The following DMD variants were observed in gnomAD, a reference collection of about 807,000 sequenced individuals.
The protein encoded by DMD is mutant dystrophin.
DMD carries 63 observed loss-of-function variants against 330.1 expected under a neutral mutation model. That is an observed-to-expected ratio of 0.19 (90% CI 0.16 to 0.24). The LOEUF is 0.24. Among genes scored for constraint, DMD ranks in the 10% least tolerant of loss-of-function variants. The probability of loss-of-function intolerance (pLI) is 1.00; values close to 1 mark genes in which losing one functional copy is unlikely to be tolerated. For missense variants in DMD, 3,344 were observed against 2,684.1 expected (o/e 1.25, Z -5.43); for synonymous variants, 1,223 against 959.8 (o/e 1.27, Z -5.07).
At chrX:33,004,172 CA>C (rs61216311) in intron 2 of DMD, among the ~76,000 whole-genome samples, 47,574 of 110,413 alleles carry the variant, frequency 0.43, 7,386 homozygotes, top group East Asian at 0.48. Context: ...GAAGCCTTTC[CA>C]ATAAAATGAC....
At chrX:33,022,022 C>A (rs1375739264) in intron 1 of DMD, among the ~76,000 whole-genome samples, 1 of 111,731 alleles carries the variant, frequency 9.0e-6, no homozygotes, top group African/African-American at 3.2e-5. Flanking sequence ...TCTTCATAGA[C>A]TTTATGGAGG....
intron 55 of DMD, among the ~76,000 whole-genome samples, chrX:31,587,628 T>C (rs1865611118): frequency 8.9e-6 from 1 of 111,894 alleles, no homozygotes; most frequent in Admixed American, 9.5e-5. Flanking sequence ...TTTTTTTCCT[T>C]GGCCTCCTAA....
In DMD at chrX:33,266,123, A is replaced by G. The variant is rs2053037094; in HGVS notation, c.7+73136T>C. 1.8e-5 allele frequency among the ~76,000 whole-genome samples: 2 copies of G among 111,146 alleles called. 1 individual carries two copies. The highest frequency in any genetic ancestry group is 3.8e-5 in the Non-Finnish European group (2 of 52,824). ...ATTAAATCAGCCTTGGCCTCCCCTT[A>G]TTTTTATGTAGGTATTGATTTCCTT... On this transcript the variant is annotated intron_variant, in intron 1 of 17. Transcript: ENST00000288447.
chrX:31,160,765 G>A (rs757982398), intron 74 of DMD, among the ~76,000 whole-genome samples: 1 of 111,208 alleles, frequency 9.0e-6, no homozygotes, highest in Non-Finnish European at 1.9e-5. Context: ...TACATTTTAG[G>A]CAACAGTGAC....
At chrX:32,304,506 C>G (rs749563346) in intron 42 of DMD, among the ~76,000 whole-genome samples, 3 of 110,961 alleles carry the variant, frequency 2.7e-5, no homozygotes, top group African/African-American at 9.8e-5. Context: ...TACCGAAGCA[C>G]ATATAAATAT....
At chrX:32,632,298 G>A (rs1359524475) in intron 11 of DMD, among the ~76,000 whole-genome samples, 1 of 111,900 alleles carries the variant, frequency 8.9e-6, no homozygotes, top group Non-Finnish European at 1.9e-5. Context: ...CCAACTTTGT[G>A]GCTTTCTAGG....
chrX:32,589,270 A>T lies in DMD; in HGVS notation c.1602+6487T>A, dbSNP rs769889350. ...AGAGTACCAATCGTGGGCGTAAAAT[A>T]CAGTGTATTCAAATCAGCATAGAGT... On this transcript the variant is annotated intron_variant, in intron 13 of 78. Transcript: ENST00000357033. Among the ~76,000 whole-genome samples the T allele has an allele frequency of 4.5e-5, 5 of 111,587 alleles. No homozygotes were observed. In the South Asian group the frequency reaches 1.9e-3, roughly 42 times the overall value.
chrX:32,695,290 A>T (rs1277992873), intron 9 of DMD, among the ~76,000 whole-genome samples: 5 of 111,967 alleles, frequency 4.5e-5, no homozygotes, highest in Non-Finnish European at 7.5e-5. Flanking sequence ...ATACAAATTA[A>T]GTTGGCCAAT....
chrX:31,776,466 C>T (rs980316769), intron 50 of DMD, among the ~76,000 whole-genome samples: 2 of 107,664 alleles, frequency 1.9e-5, no homozygotes, highest in African/African-American at 3.4e-5. Flanking sequence ...GATCATGTCA[C>T]ACTAAATTTC....
chrX:31,800,484 G>A (rs1449279022), intron 50 of DMD, among the ~76,000 whole-genome samples: 1 of 111,796 alleles, frequency 8.9e-6, no homozygotes, highest in Non-Finnish European at 1.9e-5. Flanking sequence ...CCCTGTGCCT[G>A]GCCCGTGAAA....
intron 47 of DMD, among the ~76,000 whole-genome samples, chrX:31,922,525 T>TGTGTGTGTGTGTGTGTGCGCGCGC (rs773093542): frequency 2.0e-4 from 21 of 106,394 alleles, no homozygotes; most frequent in African/African-American, 7.2e-4. Flanking sequence ...TGTGTGTGTG[T>TGTGTGTGTGTGTGTGTGCGCGCGC]GCGCGCGCGT....
At chrX:32,750,851 G>A (rs2070718974) in intron 7 of DMD, among the ~76,000 whole-genome samples, 1 of 111,507 alleles carries the variant, frequency 9.0e-6, no homozygotes, top group Non-Finnish European at 1.9e-5. Context: ...ACTGGATCAT[G>A]GGGTCAGGTA....
chrX:32,763,949 G>A (rs193204927), intron 7 of DMD, among the ~76,000 whole-genome samples: 13 of 111,200 alleles, frequency 1.2e-4, no homozygotes, highest in Admixed American at 8.6e-4. Context: ...AGTATTACCC[G>A]CACACAACAA....
At chrX:31,143,368 T>C (rs1300704575) in intron 76 of DMD, among the ~76,000 whole-genome samples, 1 of 111,260 alleles carries the variant, frequency 9.0e-6, no homozygotes, top group Non-Finnish European at 1.9e-5. Context: ...ATGTAGCACA[T>C]GCCTTGCTTC....
intron 43 of DMD, among the ~76,000 whole-genome samples, chrX:32,284,981 G>A (rs747541593): frequency 4.5e-5 from 5 of 111,909 alleles, no homozygotes; most frequent in South Asian, 7.5e-4. Flanking sequence ...GTGGAATGGC[G>A]TTAGTGTTTC....
chrX:32,644,868 A>T, intron 10 of DMD, 96 bp downstream of exon 10: 1 of 1,053,519 alleles, frequency 9.5e-7, no homozygotes, highest in Non-Finnish European at 1.3e-6. Flanking sequence ...TAAATTTCCA[A>T]AATACAAGGA....
At chrX:31,442,745 CCTTA>C (rs939757244) in intron 60 of DMD, among the ~76,000 whole-genome samples, 4 of 110,932 alleles carry the variant, frequency 3.6e-5, no homozygotes, top group African/African-American at 1.3e-4. Flanking sequence ...TTATTACTTT[CCTTA>C]TTTATACTTA....
intron 37 of DMD, 28 bp downstream of exon 37, chrX:32,362,760 G>T: frequency 8.3e-7 from 1 of 1,208,872 alleles, no homozygotes; most frequent in South Asian, 1.8e-5. Context: ...TTTAGCACAA[G>T]TTTCCACCTT....
At chrX:32,385,890 A>C (rs1323617978) in intron 33 of DMD, among the ~76,000 whole-genome samples, 1 of 110,417 alleles carries the variant, frequency 9.1e-6, no homozygotes, top group East Asian at 2.8e-4. Context: ...CATTAGACCT[A>C]CATATAAATA....
Sources: allele counts gnomAD v4.1 joint callset (sites outside exome capture counted in the v4.1 genomes callset), GRCh38; gene constraint gnomAD v4.1.1; transcripts MANE v1.5; gene names NCBI Gene and HGNC (gene_info 2026-07-23, HGNC 2026-07-21).